The following SLC44A5 variants were observed in gnomAD, a reference collection of about 807,000 sequenced individuals.
The protein encoded by SLC44A5 is choline transporter-like protein 5.
A neutral mutation model predicts 101.8 loss-of-function variants in SLC44A5; 57 were observed. The observed-to-expected ratio is 0.56, with a 90% CI of 0.45 to 0.70. The LOEUF is 0.70. SLC44A5 is among the 30% of genes least tolerant of loss of function. SLC44A5 has a pLI of 0.00. For missense variants in SLC44A5, 737 were observed against 853.1 expected, an observed-to-expected ratio of 0.86 and a Z score of 1.70; for synonymous variants, 281 against 290.9, an observed-to-expected ratio of 0.97 and a Z score of 0.35.
At chr1:75,339,676 A>C in intron 3 of SLC44A5, 46 bp from the exon 4 acceptor site, 1 of 1,493,936 alleles carries the variant, frequency 6.7e-7, no homozygotes, top group Non-Finnish European at 9.2e-7. Context: ...CCAGCAAATA[A>C]ATTAATATAA....
At chr1:75,678,637 G>C in the SLC44A5 span, among the ~76,000 whole-genome samples, 65 of 149,916 alleles carry the variant, frequency 4.3e-4, no homozygotes, top group East Asian at 3.1e-3. Context: ...AAGACCAAAA[G>C]TAGATAAAAC....
intron 5 of SLC44A5, among the ~76,000 whole-genome samples, chr1:75,275,593 G>T (rs529930742): frequency 2.6e-5 from 4 of 152,094 alleles, no homozygotes; most frequent in Non-Finnish European, 5.9e-5. Flanking sequence ...CTTACCCTAA[G>T]TTCTGTCTGA....
chr1:75,549,548 T>C (rs768013573), intron 1 of SLC44A5, among the ~76,000 whole-genome samples: 3 of 152,162 alleles, frequency 2.0e-5, no homozygotes, highest in African/African-American at 4.8e-5. Context: ...GTGTCTCTTG[T>C]ATGTCAAATA....
chr1:75,566,893 C>T (rs1672811255), intron 1 of SLC44A5, among the ~76,000 whole-genome samples: 1 of 152,158 alleles, frequency 6.6e-6, no homozygotes, highest in Non-Finnish European at 1.5e-5. Context: ...GTTAAGACAA[C>T]TAAGGCAAAA....
intron 3 of SLC44A5, among the ~76,000 whole-genome samples, chr1:75,361,080 T>C (rs569708886): frequency 8.5e-5 from 13 of 152,246 alleles, no homozygotes; most frequent in Non-Finnish European, 1.9e-4. Flanking sequence ...ATAAATGAGA[T>C]TTTTTTCTTC....
At chr1:75,455,216 C>T (rs111973149) in intron 2 of SLC44A5, among the ~76,000 whole-genome samples, 2 of 151,952 alleles carry the variant, frequency 1.3e-5, no homozygotes, top group African/African-American at 4.8e-5. Context: ...AAGCCACATA[C>T]CTAAAGCCAT....
At chr1:75,512,323 G>A (rs1026614069) in intron 2 of SLC44A5, among the ~76,000 whole-genome samples, 3 of 152,066 alleles carry the variant, frequency 2.0e-5, no homozygotes, top group South Asian at 4.1e-4. Context: ...ACTCCGAGCC[G>A]AAGGCCCAAA....
intron 18 of SLC44A5, among the ~76,000 whole-genome samples, chr1:75,216,903 C>A (rs1646972828): frequency 6.6e-6 from 1 of 151,964 alleles, no homozygotes; most frequent in Admixed American, 6.6e-5. Flanking sequence ...ATCATGTGGG[C>A]TGTCTTTTCA....
chr1:75,540,565 T>C (rs1311468539), intron 2 of SLC44A5, among the ~76,000 whole-genome samples: 1 of 152,250 alleles, frequency 6.6e-6, no homozygotes, highest in Non-Finnish European at 1.5e-5. Flanking sequence ...CTTTTAAGAA[T>C]CTTGTTAGAC....
At chr1:75,536,834 GTC>G (rs1671047331) in intron 2 of SLC44A5, among the ~76,000 whole-genome samples, 1 of 139,828 alleles carries the variant, frequency 7.2e-6, no homozygotes, top group Admixed American at 7.2e-5. Flanking sequence ...GTGAAACCCC[GTC>G]TCTACTAAAA....
At chr1:75,684,687 C>A in the SLC44A5 span, among the ~76,000 whole-genome samples, 1 of 152,192 alleles carries the variant, frequency 6.6e-6, no homozygotes, top group South Asian at 2.1e-4. Flanking sequence ...GGTGGGTTCC[C>A]ATGGTCTTGG....
chr1:75,425,726 G>T (rs1172308541), intron 2 of SLC44A5, among the ~76,000 whole-genome samples: 1 of 152,076 alleles, frequency 6.6e-6, no homozygotes, highest in Non-Finnish European at 1.5e-5. Context: ...GTCAAGTTAG[G>T]TCCCCCTTGA....
At chr1:75,559,734 C>T (rs990197540) in intron 1 of SLC44A5, among the ~76,000 whole-genome samples, 1 of 151,760 alleles carries the variant, frequency 6.6e-6, no homozygotes, top group Non-Finnish European at 1.5e-5. Context: ...TGATACAATC[C>T]GAAAAGTGAA....
At chr1:75,345,633 A>G (rs1658196628) in intron 3 of SLC44A5, among the ~76,000 whole-genome samples, 1 of 152,150 alleles carries the variant, frequency 6.6e-6, no homozygotes, top group African/African-American at 2.4e-5. Flanking sequence ...AACTTTTAGA[A>G]GGAGAGAAAT....
chr1:75,501,019 T>C (rs1402554659), intron 2 of SLC44A5, among the ~76,000 whole-genome samples: 1 of 152,180 alleles, frequency 6.6e-6, no homozygotes, highest in Non-Finnish European at 1.5e-5. Flanking sequence ...TAAGGCAAAG[T>C]CACGCATTTA....
chr1:75,546,668 C>T (rs1056919422), intron 1 of SLC44A5, among the ~76,000 whole-genome samples: 3 of 152,086 alleles, frequency 2.0e-5, no homozygotes, highest in African/African-American at 7.2e-5. Flanking sequence ...AACTTTGAAA[C>T]TTCTAAGTCT....
At chr1:75,455,972 C>T (rs1050307983) in intron 2 of SLC44A5, among the ~76,000 whole-genome samples, 1 of 152,062 alleles carries the variant, frequency 6.6e-6, no homozygotes, top group Non-Finnish European at 1.5e-5. Context: ...TAACTTAAAA[C>T]AGAACTATCC....
chr1:75,333,885 A>C (rs747001587), intron 4 of SLC44A5, among the ~76,000 whole-genome samples: 5 of 152,328 alleles, frequency 3.3e-5, no homozygotes, highest in Non-Finnish European at 5.9e-5. Context: ...GAGAACACTT[A>C]TCCTTTCATT....
At chr1:75,231,465 T>A (rs1647566736) in intron 12 of SLC44A5, among the ~76,000 whole-genome samples, 1 of 152,166 alleles carries the variant, frequency 6.6e-6, no homozygotes, top group South Asian at 2.1e-4. Context: ...AATGTGAAAG[T>A]CTAGACAATA....
Sources: allele counts gnomAD v4.1 joint callset (sites outside exome capture counted in the v4.1 genomes callset), GRCh38; gene constraint gnomAD v4.1.1; transcripts MANE v1.5; gene names NCBI Gene and HGNC (gene_info 2026-07-23, HGNC 2026-07-21).